The following PTPRG variants were observed in gnomAD, a reference collection of about 807,000 sequenced individuals.
The protein encoded by PTPRG is protein tyrosine phosphatase receptor type G.
Under a neutral mutation model 165.3 loss-of-function variants are expected in PTPRG, and 102 were observed. The ratio of observed to expected loss-of-function variants is 0.62; its 90% CI spans 0.53 to 0.73. The LOEUF (loss-of-function observed/expected upper bound fraction) is 0.73, where lower values mean the gene tolerates loss of function less well. Among genes scored for constraint, PTPRG ranks in the 30% least tolerant of loss-of-function variants. PTPRG has a pLI of 0.00. For synonymous variants in PTPRG, 675 were observed against 669.5 expected, an observed-to-expected ratio of 1.01 and a Z score of -0.13; for missense variants, 1,866 against 1,861.4, an observed-to-expected ratio of 1.00 and a Z score of -0.05.
intron 14 of PTPRG, among the ~76,000 whole-genome samples, chr3:62,231,847 T>C (rs6763419): frequency 0.15 from 22,106 of 151,290 alleles, 2,484 homozygotes; most frequent in East Asian, 0.3. Context: ...AAAAAGGAAA[T>C]GCATATGAGT....
At chr3:61,881,694 C>G (rs1010430633) in intron 2 of PTPRG, among the ~76,000 whole-genome samples, 10 of 152,156 alleles carry the variant, frequency 6.6e-5, no homozygotes, top group African/African-American at 2.2e-4. Context: ...AACTTCCTTC[C>G]TCTCCTCTCC....
chr3:61,720,299 T>G (rs886477643), intron 1 of PTPRG, among the ~76,000 whole-genome samples: 1 of 152,050 alleles, frequency 6.6e-6, no homozygotes, highest in Non-Finnish European at 1.5e-5. Flanking sequence ...AATTTTTGTA[T>G]TTTTAGGAGA....
At chr3:61,614,022 A>G (rs1283670346) in intron 1 of PTPRG, among the ~76,000 whole-genome samples, 1 of 152,160 alleles carries the variant, frequency 6.6e-6, no homozygotes, top group Admixed American at 6.5e-5. Context: ...TCCCTGGGTT[A>G]AAATATGGTG....
At chr3:61,691,689 A>C (rs1442519382) in intron 1 of PTPRG, among the ~76,000 whole-genome samples, 1 of 152,226 alleles carries the variant, frequency 6.6e-6, no homozygotes, top group African/African-American at 2.4e-5. Flanking sequence ...TGGATAAACA[A>C]ATTTTGGAAA....
chr3:61,630,339 GT>G (rs1470610110), intron 1 of PTPRG, among the ~76,000 whole-genome samples: 2 of 152,160 alleles, frequency 1.3e-5, no homozygotes, highest in Non-Finnish European at 2.9e-5. Context: ...AAATACCACT[GT>G]TCTGGCTTTC....
At chr3:62,071,949 A>C (rs910201949) in intron 4 of PTPRG, among the ~76,000 whole-genome samples, 1 of 152,202 alleles carries the variant, frequency 6.6e-6, no homozygotes, top group Non-Finnish European at 1.5e-5. Context: ...TTTTAATATG[A>C]TTAAAAGTAT....
intron 1 of PTPRG, among the ~76,000 whole-genome samples, chr3:61,636,522 A>G (rs1040975233): frequency 1.3e-5 from 2 of 152,150 alleles, no homozygotes; most frequent in Non-Finnish European, 2.9e-5. Flanking sequence ...GGGTTTCACC[A>G]TGTTGGTCAG....
chr3:61,676,694 G>T (rs1241796046), intron 1 of PTPRG, among the ~76,000 whole-genome samples: 4 of 151,914 alleles, frequency 2.6e-5, no homozygotes, highest in African/African-American at 9.7e-5. Context: ...TTAATGCATG[G>T]TGTGTATCTC....
chr3:61,869,150 G>A (rs576706258), intron 2 of PTPRG, among the ~76,000 whole-genome samples: 1 of 152,290 alleles, frequency 6.6e-6, no homozygotes, highest in African/African-American at 2.4e-5. Context: ...CATCAATGAG[G>A]CTGACCTGGA....
intron 2 of PTPRG, among the ~76,000 whole-genome samples, chr3:61,877,908 G>C (rs1264473490): frequency 6.6e-6 from 1 of 152,190 alleles, no homozygotes; most frequent in East Asian, 1.9e-4. Context: ...TCAGAGTACA[G>C]TAAATGTCCC....
At position 61,646,539 on chromosome 3, in the gene PTPRG, C is replaced by T. The variant is rs78687848; in HGVS notation, c.85+84167C>T. Among the ~76,000 whole-genome samples, 13 of 152,264 alleles carry T rather than the reference C, an allele frequency of 8.5e-5. No individual in the cohort carries two copies. In the East Asian group the frequency reaches 2.5e-3, roughly 29 times the overall value. On this transcript the variant is annotated intron_variant, in intron 1 of 29. Transcript: ENST00000474889. ...TTCTTTGTACCCTTTCCCCAGCCTC[C>T]CCCAATGATGCATTCTATATACTTA...
intron 1 of PTPRG, among the ~76,000 whole-genome samples, chr3:61,725,171 G>A (rs992340506): frequency 3.3e-5 from 5 of 152,080 alleles, no homozygotes; most frequent in African/African-American, 1.2e-4. Flanking sequence ...TTTACGTTGA[G>A]ATACGCTTTT....
chr3:61,651,355 T>G (rs1405941058), intron 1 of PTPRG, among the ~76,000 whole-genome samples: 1 of 107,818 alleles, frequency 9.3e-6, no homozygotes, highest in African/African-American at 3.5e-5. Context: ...TTTGTCCCAT[T>G]GTTAATAATC....
chr3:62,081,250 C>G (rs1416428843), intron 5 of PTPRG, among the ~76,000 whole-genome samples: 2 of 123,472 alleles, frequency 1.6e-5, no homozygotes, highest in Non-Finnish European at 3.5e-5. Flanking sequence ...GAGTGAGACT[C>G]CGTCTCAAAA....
chr3:62,267,525 TAGAAA>T, intron 18 of PTPRG, 33 bp downstream of exon 18: 1 of 1,573,610 alleles, frequency 6.4e-7, no homozygotes, highest in East Asian at 2.2e-5. Flanking sequence ...AACCTGTTTC[TAGAAA>T]TTGAAGACTG....
intron 1 of PTPRG, among the ~76,000 whole-genome samples, chr3:61,691,240 C>G (rs907134812): frequency 6.6e-6 from 1 of 152,064 alleles, no homozygotes; most frequent in East Asian, 1.9e-4. Flanking sequence ...TAGAGAGACC[C>G]CATCTCTACA....
At chr3:62,284,056 G>A (rs1702549055) in intron 28 of PTPRG, among the ~76,000 whole-genome samples, 1 of 152,050 alleles carries the variant, frequency 6.6e-6, no homozygotes, top group Admixed American at 6.6e-5. Flanking sequence ...ACAGCATAAA[G>A]TTAGGGCATT....
At chr3:61,797,098 G>A (rs1171053361) in intron 2 of PTPRG, among the ~76,000 whole-genome samples, 1 of 152,166 alleles carries the variant, frequency 6.6e-6, no homozygotes, top group Admixed American at 6.5e-5. Context: ...AGAAATGTTC[G>A]TATTCTTCCC....
At chr3:61,715,443 T>A (rs6772613) in intron 1 of PTPRG, among the ~76,000 whole-genome samples, 9,891 of 152,198 alleles carry the variant, frequency 0.065, 591 homozygotes, top group African/African-American at 0.16. Flanking sequence ...GGTCTTGAAC[T>A]CCTGGGCTCA....
Sources: gnomAD v4.1 joint callset for allele counts (sites outside exome capture counted in the v4.1 genomes callset) on GRCh38, gnomAD v4.1.1 for gene constraint, MANE v1.5 for transcripts, NCBI Gene and HGNC (gene_info 2026-07-23, HGNC 2026-07-21) for gene names.